Variants in ANKRD13A observed in about 807,000 individuals in gnomAD.
ANKRD13A encodes ankyrin repeat domain 13A.
A neutral mutation model predicts 81.3 loss-of-function variants in ANKRD13A; 48 were observed. That is an observed-to-expected ratio of 0.59 (90% CI 0.47 to 0.75). ANKRD13A has a LOEUF of 0.75. Ranked by LOEUF, ANKRD13A falls within the 30% of genes least tolerant of loss-of-function variation. The pLI, the probability that ANKRD13A is intolerant of heterozygous loss-of-function variation, is 0.00. For synonymous variants in ANKRD13A, 230 were observed against 270.1 expected (o/e 0.85, Z 1.45); for missense variants, 612 against 734.0 (o/e 0.83, Z 1.92).
chr12:110,006,197 G>C (rs1890234419), intron 1 of ANKRD13A, among the ~76,000 whole-genome samples: 2 of 152,212 alleles, frequency 1.3e-5, no homozygotes, highest in Admixed American at 1.3e-4. Context: ...GGGTCATGTA[G>C]TTACTCTATG....
intron 1 of ANKRD13A, among the ~76,000 whole-genome samples, chr12:110,001,931 T>C (rs1286507466): frequency 1.3e-5 from 2 of 152,164 alleles, no homozygotes; most frequent in African/African-American, 4.8e-5. Flanking sequence ...AAGACTCAGC[T>C]AGGACACTTT....
intron 9 of ANKRD13A, chr12:110,028,092 T>C: frequency 2.9e-6 from 1 of 349,506 alleles, no homozygotes; most frequent in Non-Finnish European, 5.3e-6. Context: ...ACAAATATTT[T>C]CTTACTTGAT....
intron 1 of ANKRD13A, among the ~76,000 whole-genome samples, chr12:110,008,297 G>T (rs910992820): frequency 6.6e-6 from 1 of 152,188 alleles, no homozygotes. Context: ...GGTGTAATAC[G>T]TTAATTGACT....
intron 13 of ANKRD13A, among the ~76,000 whole-genome samples, chr12:110,035,083 G>A (rs956485259): frequency 1.3e-5 from 2 of 152,050 alleles, no homozygotes; most frequent in Non-Finnish European, 2.9e-5. Flanking sequence ...TCAGTTTTCC[G>A]AGCCAGACCC....
chr12:110,009,690 A>G (rs1890416483), intron 1 of ANKRD13A, among the ~76,000 whole-genome samples: 1 of 152,182 alleles, frequency 6.6e-6, no homozygotes, highest in Non-Finnish European at 1.5e-5. Context: ...GAGATGCAGG[A>G]AGGTCTGAAG....
intron 12 of ANKRD13A, among the ~76,000 whole-genome samples, chr12:110,031,696 G>A (rs967125657): frequency 6.6e-6 from 1 of 152,132 alleles, no homozygotes; most frequent in Admixed American, 6.6e-5. Context: ...AAGGTAGACA[G>A]CATTTCCATA....
intron 1 of ANKRD13A, among the ~76,000 whole-genome samples, chr12:110,009,350 G>A (rs1169274394): frequency 1.3e-5 from 2 of 152,116 alleles, no homozygotes; most frequent in African/African-American, 2.4e-5. Context: ...CAAAGTGTTG[G>A]GATTACAGGC....
At chr12:110,006,116 C>A (rs1200782652) in intron 1 of ANKRD13A, among the ~76,000 whole-genome samples, 1 of 152,106 alleles carries the variant, frequency 6.6e-6, no homozygotes, top group African/African-American at 2.4e-5. Flanking sequence ...TGCACCCAGC[C>A]CCATGTATAA....
Position 110,037,355 on chromosome 12 carries a change from C to G in ANKRD13A, c.1578-4C>G. 1 of 1,612,804 alleles carries G rather than the reference C, an allele frequency of 6.2e-7. No homozygotes were observed. Among genetic ancestry groups the G allele is most frequent in the Non-Finnish European group, 8.5e-7 (1 of 1,179,162 alleles). On this transcript the variant is annotated splice_region_variant and splice_polypyrimidine_tract_variant and intron_variant, in intron 14 of 14. Coordinates refer to ENST00000261739, the MANE Select transcript of ANKRD13A (RefSeq NM_033121.2). ...TCTCCCTTTTTATCTGTTTTCCAAC[C>G]CAGGGCCATCCAGGAGAGCCTCCTC... is the stretch of plus-strand genomic sequence containing the variant.
Position 110,039,040 on chromosome 12 carries a change from C to G in ANKRD13A, c.*1486C>G, listed in dbSNP as rs2137202681. On this transcript the variant is annotated 3_prime_UTR_variant, in exon 15 of 15. Transcript: ENST00000261739. The stretch of plus-strand genomic sequence containing the variant: ...ACGTTCCCAGATACAAAGAATTGTG[C>G]TTTTAATTCCATTTCACAATCTGTT... The G allele has an allele frequency of 6.6e-6, 1 of 151,222 alleles. No individual in the cohort carries two copies. Among genetic ancestry groups the G allele is most frequent in the African/African-American group, 2.4e-5 (1 of 41,076 alleles). The allele number at this position is 151,222 out of a possible 1,614,324, so 9.4% of individuals were successfully genotyped here. A position where few individuals can be genotyped will look rare whatever the true frequency, so the allele number is the denominator to read the frequency against.
chr12:110,018,110 G>T lies in ANKRD13A; in HGVS notation c.401-235G>T, dbSNP rs1189544976. On this transcript the variant is annotated intron_variant, in intron 4 of 14. Transcript: ENST00000261739. This position sits in a 1 kb window ranked among gnomAD's most constrained non-coding sequence, Gnocchi z 4.4. ...AAATTGGGGCTCATTTCAGGATCAA[G>T]AATACTCTTGGGAAATTTATTTAGA... Among the ~76,000 whole-genome samples the T allele has an allele frequency of 2.0e-5, 3 of 152,118 alleles. No individual in the cohort carries two copies. The highest frequency in any genetic ancestry group is 2.9e-5 in the Non-Finnish European group (2 of 68,006).
intron 4 of ANKRD13A, among the ~76,000 whole-genome samples, chr12:110,017,042 G>T (rs1168994137): frequency 6.6e-6 from 1 of 152,086 alleles, no homozygotes; most frequent in Admixed American, 6.6e-5. Flanking sequence ...CCAAAGTGCT[G>T]GGATTACAGG....
intron 10 of ANKRD13A, 143 bp from the exon 11 acceptor site, chr12:110,029,335 T>A: frequency 3.4e-6 from 3 of 886,014 alleles, no homozygotes; most frequent in South Asian, 3.9e-5. Flanking sequence ...CCCTAGACAT[T>A]TGACCTTTAA....
intron 6 of ANKRD13A, among the ~76,000 whole-genome samples, chr12:110,023,445 A>G (rs1362717795): frequency 6.6e-6 from 1 of 152,208 alleles, no homozygotes; most frequent in Non-Finnish European, 1.5e-5. Context: ...TGTTTTTCAC[A>G]TCCTTTGCCC....
chr12:110,008,169 C>T lies in ANKRD13A; in HGVS notation c.97-3836C>T, dbSNP rs144417128. Among the ~76,000 whole-genome samples, 20 of 152,136 alleles carry T rather than the reference C, an allele frequency of 1.3e-4. No individual in the cohort carries two copies. In the East Asian group the frequency reaches 3.3e-3, roughly 25 times the overall value. ...TTTTTGAGGAAGTTTCCTTTTATTC[C>T]TAGTATGTTGAGAGTTTTGGTTTTT... On this transcript the variant is annotated intron_variant, in intron 1 of 14. Coordinates refer to ENST00000261739, the MANE Select transcript of ANKRD13A (RefSeq NM_033121.2).
chr12:110,020,058 G>A (rs143417220), intron 6 of ANKRD13A, among the ~76,000 whole-genome samples: 2 of 152,150 alleles, frequency 1.3e-5, no homozygotes, highest in African/African-American at 4.8e-5. Context: ...TATTTGCCTA[G>A]GATGTCACAT....
At chr12:110,009,332 C>T (rs1230040137) in intron 1 of ANKRD13A, among the ~76,000 whole-genome samples, 1 of 152,174 alleles carries the variant, frequency 6.6e-6, no homozygotes, top group Non-Finnish European at 1.5e-5. Context: ...CCACCCGCCT[C>T]GGCCTCTCAA....
intron 3 of ANKRD13A, among the ~76,000 whole-genome samples, chr12:110,015,953 CTT>C (rs559435860): frequency 8.6e-5 from 12 of 139,524 alleles, no homozygotes; most frequent in Admixed American, 4.3e-4. Context: ...TTTTTTCTTT[CTT>C]TTTTTTTTTT....
chr12:110,025,713 C>G (rs1891281449), intron 7 of ANKRD13A, 29 bp from the exon 8 acceptor site: 1 of 1,555,770 alleles, frequency 6.4e-7, no homozygotes, highest in Non-Finnish European at 8.8e-7. Context: ...TTCCCTGTGT[C>G]ACTGTTTTCT....
Sources: gnomAD v4.1 joint callset for allele counts (sites outside exome capture counted in the v4.1 genomes callset) on GRCh38, gnomAD v4.1.1 for gene constraint, Gnocchi (gnomAD v3.1) non-coding constraint, MANE v1.5 for transcripts, NCBI Gene and HGNC (gene_info 2026-07-23, HGNC 2026-07-21) for gene names.